ATF2: variants seen among roughly 807,000 people sequenced by gnomAD.
ATF2 encodes the protein activating transcription factor 2.
In ATF2, 24 loss-of-function variants were observed where a neutral mutation model predicts 60.6. The ratio of observed to expected loss-of-function variants is 0.40; its 90% CI spans 0.29 to 0.56. The LOEUF is 0.56. ATF2 is among the 20% of genes least tolerant of loss of function. The pLI, the probability that ATF2 is intolerant of heterozygous loss-of-function variation, is 0.54. For missense variants in ATF2, 433 were observed against 607.7 expected, an observed-to-expected ratio of 0.71 and a Z score of 3.02; for synonymous variants, 206 against 215.4, an observed-to-expected ratio of 0.96 and a Z score of 0.38.
At chr2:175,167,652 T>C (rs1318505702) in intron 1 of ATF2, 4 of 503,154 alleles carry the variant, frequency 7.9e-6, no homozygotes, top group Admixed American at 2.1e-5. Context: ...GGGAGAGGTC[T>C]CCCTGCGCAC....
At chr2:175,145,043 T>C (rs919419383) in intron 2 of ATF2, among the ~76,000 whole-genome samples, 1 of 152,200 alleles carries the variant, frequency 6.6e-6, no homozygotes, top group Non-Finnish European at 1.5e-5. Context: ...TGGTATTAGA[T>C]GACATTTGAA....
intron 11 of ATF2, among the ~76,000 whole-genome samples, chr2:175,096,264 T>C (rs1694929230): frequency 6.6e-6 from 1 of 152,214 alleles, no homozygotes; most frequent in South Asian, 2.1e-4. Flanking sequence ...CATATAACAA[T>C]ATCAATCATC....
intron 1 of ATF2, among the ~76,000 whole-genome samples, chr2:175,156,489 C>G (rs1326560683): frequency 6.7e-6 from 1 of 150,098 alleles, no homozygotes; most frequent in Admixed American, 6.6e-5. Flanking sequence ...CTTTCTCCAT[C>G]TGGAGTCAGA....
chr2:175,108,536 C>A (rs1482689835), intron 10 of ATF2, among the ~76,000 whole-genome samples: 3 of 149,964 alleles, frequency 2.0e-5, no homozygotes, highest in South Asian at 4.2e-4. Context: ...CCCGGCCAGC[C>A]GCCCCATCCG....
At chr2:175,108,332 C>T (rs1695871556) in intron 10 of ATF2, among the ~76,000 whole-genome samples, 2 of 150,822 alleles carry the variant, frequency 1.3e-5, no homozygotes, top group Non-Finnish European at 3.0e-5. Context: ...GGGGGGTCAA[C>T]CCCCGCCCGG....
intron 10 of ATF2, among the ~76,000 whole-genome samples, chr2:175,106,754 T>A (rs1210366193): frequency 6.6e-6 from 1 of 152,150 alleles, no homozygotes; most frequent in Non-Finnish European, 1.5e-5. Flanking sequence ...GAAAACTGCG[T>A]GAACCCTGGA....
At chr2:175,091,326 A>G (rs212356) in intron 12 of ATF2, among the ~76,000 whole-genome samples, 15,176 of 152,226 alleles carry the variant, frequency 0.1, 859 homozygotes, top group Middle Eastern at 0.17. Context: ...TATGTCATAC[A>G]ACTATAAAAT....
intron 11 of ATF2, among the ~76,000 whole-genome samples, chr2:175,096,466 T>C (rs568004027): frequency 1.6e-4 from 24 of 152,192 alleles, no homozygotes; most frequent in Non-Finnish European, 3.5e-4. Flanking sequence ...TCTAAAAGAC[T>C]TCTGATTACC....
chr2:175,115,690 T>C (rs1465338267), intron 7 of ATF2, among the ~76,000 whole-genome samples: 2 of 152,202 alleles, frequency 1.3e-5, no homozygotes, highest in African/African-American at 4.8e-5. Flanking sequence ...TAACTTCATT[T>C]ATTCAGTAAG....
At chr2:175,102,485 T>C (rs1308815469) in intron 10 of ATF2, among the ~76,000 whole-genome samples, 1 of 152,054 alleles carries the variant, frequency 6.6e-6, no homozygotes, top group Non-Finnish European at 1.5e-5. Flanking sequence ...AAATTAAAGA[T>C]TTAAGGTGGG....
chr2:175,093,334 A>C, intron 11 of ATF2, 67 bp from the exon 12 acceptor site: 1 of 1,453,228 alleles, frequency 6.9e-7, no homozygotes, highest in Non-Finnish European at 9.5e-7. Context: ...TAGGCAGTAA[A>C]GGGTGTCAAA....
intron 2 of ATF2, among the ~76,000 whole-genome samples, chr2:175,138,886 T>C (rs1161995351): frequency 2.6e-5 from 4 of 152,178 alleles, no homozygotes; most frequent in Non-Finnish European, 5.9e-5. Flanking sequence ...TGAAGAAACA[T>C]AACACAGCCA....
In ATF2 at chr2:175,160,250, T is replaced by C. The variant is rs117285075; in HGVS notation, c.-143+7800A>G. On this transcript the variant is annotated intron_variant, in intron 1 of 13. Coordinates refer to ENST00000264110, the MANE Select transcript of ATF2 (RefSeq NM_001880.4). The stretch of plus-strand genomic sequence containing the variant: ...AAATTAAAAAATTAGCTGGGTATAG[T>C]AGCACATGCCTGTAGTCCCAGCTAC... 3.7e-3 allele frequency among the ~76,000 whole-genome samples: 559 copies of C among 152,274 alleles called. 4 individuals carry two copies. The highest frequency in any genetic ancestry group is 0.032 in the East Asian group (164 of 5,174).
rs1173872181 is a variant in ATF2, at chr2:175,126,309, C to T, written c.102+3829G>A. Reference sequence around the variant, plus strand: ...TCTGACTTTTAAACACCAGAGGTGCCCTAAAGCTTAGCTTTCACCCTTCCA... The same window carrying T: ...TCTGACTTTTAAACACCAGAGGTGCTCTAAAGCTTAGCTTTCACCCTTCCA... On this transcript the variant is annotated intron_variant, in intron 4 of 13. Transcript: ENST00000264110. 3.3e-5 allele frequency among the ~76,000 whole-genome samples: 5 copies of T among 152,224 alleles called. No individual in the cohort carries two copies. The East Asian group carries it at 7.7e-4, about 24-fold the overall frequency.
intron 2 of ATF2, among the ~76,000 whole-genome samples, chr2:175,141,373 G>A (rs1232839327): frequency 6.6e-6 from 1 of 151,874 alleles, no homozygotes; most frequent in Non-Finnish European, 1.5e-5. Flanking sequence ...GCTTAATAAA[G>A]TGCCCCCGGC....
At chr2:175,137,710 T>C (rs1698235324) in intron 2 of ATF2, among the ~76,000 whole-genome samples, 1 of 152,070 alleles carries the variant, frequency 6.6e-6, no homozygotes, top group Non-Finnish European at 1.5e-5. Context: ...TAGCCCTTGG[T>C]ACCCTTCTCC....
chr2:175,147,141 A>C (rs1197324424), intron 2 of ATF2, among the ~76,000 whole-genome samples: 8 of 152,200 alleles, frequency 5.3e-5, no homozygotes, highest in Admixed American at 1.3e-4. Flanking sequence ...ATAATCATTT[A>C]TTCTATTAGC....
chr2:175,143,856 G>A (rs1368310866), intron 2 of ATF2, among the ~76,000 whole-genome samples: 1 of 152,112 alleles, frequency 6.6e-6, no homozygotes, highest in Non-Finnish European at 1.5e-5. Context: ...GCAGTGGCAT[G>A]ATCATGGTTC....
At chr2:175,111,852 C>CAT (rs35810725) in intron 9 of ATF2, among the ~76,000 whole-genome samples, 198 bp from the exon 10 acceptor site, 33,683 of 151,932 alleles carry the variant, frequency 0.22, 4,440 homozygotes, top group African/African-American at 0.39. Flanking sequence ...ATTTCTGAGA[C>CAT]GTGTGCTTTC....
Sources: gnomAD v4.1 joint callset for allele counts (sites outside exome capture counted in the v4.1 genomes callset) on GRCh38, gnomAD v4.1.1 for gene constraint, MANE v1.5 for transcripts, NCBI Gene and HGNC (gene_info 2026-07-23, HGNC 2026-07-21) for gene names.